The following MKLN1 variants were observed in gnomAD, a reference collection of about 807,000 sequenced individuals.
MKLN1 encodes muskelin 1.
MKLN1 carries 18 observed loss-of-function variants against 99.0 expected under a neutral mutation model. The ratio of observed to expected loss-of-function variants is 0.18; its 90% CI spans 0.13 to 0.27. The LOEUF is 0.27. MKLN1 is among the 10% of genes least tolerant of loss of function. The pLI, the probability that MKLN1 is intolerant of heterozygous loss-of-function variation, is 1.00. For missense variants in MKLN1, 621 were observed against 875.9 expected (o/e 0.71, Z 3.67); for synonymous variants, 288 against 293.2 (o/e 0.98, Z 0.18).
chr7:131,389,996 T>G (rs977412293), intron 4 of MKLN1, among the ~76,000 whole-genome samples: 2 of 152,154 alleles, frequency 1.3e-5, no homozygotes, highest in African/African-American at 2.4e-5. Context: ...CTTTGAAGAA[T>G]AATAATAAAA....
chr7:131,419,819 G>A lies in MKLN1; in HGVS notation c.847+5109G>A, dbSNP rs530958814. On this transcript the variant is annotated intron_variant, in intron 8 of 17. Transcript: ENST00000352689. ...AGGTGAAATCAGAGAAATAGCTGGG[G>A]GCACAAACTGTGTTGAGTTTTTTAG... Among the ~76,000 whole-genome samples, 5 of 152,206 alleles carry A rather than the reference G, an allele frequency of 3.3e-5. No homozygotes were observed. The South Asian group carries it at 8.3e-4, about 25-fold the overall frequency.
chr7:131,457,191 C>T (rs139795564), intron 12 of MKLN1, among the ~76,000 whole-genome samples: 1,938 of 151,752 alleles, frequency 0.013, 50 homozygotes, highest in African/African-American at 0.044. Flanking sequence ...ACAGGAGAAT[C>T]GCTTGAACCC....
At chr7:131,156,145 T>C (rs150914565) in intron 2 of MKLN1, among the ~76,000 whole-genome samples, 1 of 152,326 alleles carries the variant, frequency 6.6e-6, no homozygotes, top group East Asian at 1.9e-4. Context: ...GGTTTTGCTA[T>C]TATTTTAATA....
chr7:131,147,217 A>ATTTTTTT (rs71168371), intron 2 of MKLN1, among the ~76,000 whole-genome samples: 2 of 136,332 alleles, frequency 1.5e-5, no homozygotes, highest in Admixed American at 7.6e-5. Context: ...ACACCCAGCT[A>ATTTTTTT]TTTTTTTTTT....
intron 6 of MKLN1, among the ~76,000 whole-genome samples, chr7:131,404,896 C>T (rs566105312): frequency 1.3e-4 from 20 of 151,176 alleles, no homozygotes; most frequent in Non-Finnish European, 1.9e-4. Flanking sequence ...CACCCTCAGC[C>T]GAATTACTTC....
At position 131,489,386 on chromosome 7, in the gene MKLN1, A is replaced by G. The variant is rs1269625806; in HGVS notation, c.*1658A>G. 1 of 152,178 alleles carries G rather than the reference A, an allele frequency of 6.6e-6. No individual in the cohort carries two copies. The highest frequency in any genetic ancestry group is 1.5e-5 in the Non-Finnish European group (1 of 68,018). 9.4% of individuals were successfully genotyped at this position (152,178 alleles called of 1,614,324 possible). A position where few individuals can be genotyped will look rare whatever the true frequency, so the allele number is the denominator to read the frequency against. ...GAAAGGTATGCTATATAATTCAGCA[A>G]GTACCAACTTGTGTAGCTGCAGAAT... On this transcript the variant is annotated 3_prime_UTR_variant, in exon 18 of 18. Transcript: ENST00000352689.
At chr7:131,254,206 A>T (rs911576871) in intron 3 of MKLN1, among the ~76,000 whole-genome samples, 6 of 152,222 alleles carry the variant, frequency 3.9e-5, no homozygotes, top group African/African-American at 1.4e-4. Flanking sequence ...GTACCTTTTG[A>T]GGAGCAACGT....
chr7:131,455,916 C>G (rs1318450111), intron 12 of MKLN1, among the ~76,000 whole-genome samples: 1 of 152,080 alleles, frequency 6.6e-6, no homozygotes, highest in Non-Finnish European at 1.5e-5. Context: ...TGTGGTGATG[C>G]ACGCCTGTTG....
chr7:131,455,724 C>T (rs1291164187), intron 12 of MKLN1, among the ~76,000 whole-genome samples: 1 of 152,060 alleles, frequency 6.6e-6, no homozygotes, highest in African/African-American at 2.4e-5. Context: ...TTGTCCTTCC[C>T]TCCTCCCCCG....
chr7:131,223,835 C>T (rs6979148), intron 3 of MKLN1, among the ~76,000 whole-genome samples: 1,595 of 152,088 alleles, frequency 0.01, 28 homozygotes, highest in African/African-American at 0.035. Flanking sequence ...GGTGCGATCT[C>T]GGCTTACTCC....
At chr7:131,340,762 C>G (rs893398819) in intron 1 of MKLN1, among the ~76,000 whole-genome samples, 1 of 151,914 alleles carries the variant, frequency 6.6e-6, no homozygotes, top group African/African-American at 2.4e-5. Flanking sequence ...CTTTTTAGTG[C>G]AGTTTTGGTT....
At position 131,322,728 on chromosome 7, in the gene MKLN1, G is replaced by A. The variant is rs375825893; in HGVS notation, c.-178-52696G>A. Among the ~76,000 whole-genome samples, 150 of 151,396 alleles carry A rather than the reference G, an allele frequency of 9.9e-4. 1 individual carries two copies. Among genetic ancestry groups the A allele is most frequent in the Admixed American group, 2.4e-3 (37 of 15,234 alleles). ...TGGGACTACAGGCGCCCGCCACCGC[G>A]CCCGGCTAATTTTTTGTATTTTTAG... On this transcript the variant is annotated intron_variant, in intron 3 of 7. Transcript: ENST00000416992.
chr7:131,207,444 C>T (rs1796830733), intron 3 of MKLN1, among the ~76,000 whole-genome samples: 1 of 152,118 alleles, frequency 6.6e-6, no homozygotes, highest in Non-Finnish European at 1.5e-5. Flanking sequence ...GTGATCCGCC[C>T]ACCTCGGCCT....
At chr7:131,231,119 C>CAAAAAAAAAAA (rs58048470) in intron 3 of MKLN1, among the ~76,000 whole-genome samples, 1 of 60,368 alleles carries the variant, frequency 1.7e-5, no homozygotes, top group Non-Finnish European at 2.7e-5. Flanking sequence ...GACTCTGTCT[C>CAAAAAAAAAAA]AAAAAAAAAA....
At chr7:131,314,315 G>A (rs1298423384) in intron 3 of MKLN1, among the ~76,000 whole-genome samples, 1 of 152,190 alleles carries the variant, frequency 6.6e-6, no homozygotes, top group Non-Finnish European at 1.5e-5. Context: ...GGAGTGAGAG[G>A]CAGCTTTTTC....
chr7:131,275,896 A>G (rs1264180187), intron 3 of MKLN1, among the ~76,000 whole-genome samples: 1 of 152,154 alleles, frequency 6.6e-6, no homozygotes, highest in Non-Finnish European at 1.5e-5. Flanking sequence ...GTCACAAGTA[A>G]CAGCGTTTGA....
At chr7:131,132,947 A>AAAGAAAGAAAG (rs1795578747) in intron 1 of MKLN1, among the ~76,000 whole-genome samples, 4 of 56,612 alleles carry the variant, frequency 7.1e-5, no homozygotes, top group African/African-American at 2.3e-4. Context: ...AAAAAAAAAA[A>AAAGAAAGAAAG]AAAGAAAGAA....
intron 3 of MKLN1, among the ~76,000 whole-genome samples, chr7:131,215,362 T>A (rs10265216): frequency 0.29 from 44,112 of 152,136 alleles, 6,800 homozygotes; most frequent in South Asian, 0.45. Flanking sequence ...GTTGTTTTTT[T>A]ACAGACAGGG....
At chr7:131,229,698 A>G (rs923765376) in intron 3 of MKLN1, among the ~76,000 whole-genome samples, 1 of 152,104 alleles carries the variant, frequency 6.6e-6, no homozygotes, top group African/African-American at 2.4e-5. Flanking sequence ...TGGGACCACA[A>G]GCCCACGCCT....
Sources: gnomAD v4.1 joint callset for allele counts (sites outside exome capture counted in the v4.1 genomes callset) on GRCh38, gnomAD v4.1.1 for gene constraint, MANE v1.5 for transcripts, NCBI Gene and HGNC (gene_info 2026-07-23, HGNC 2026-07-21) for gene names.